The following SULT1C4 variants were observed in gnomAD, a reference collection of about 807,000 sequenced individuals.
The protein encoded by SULT1C4 is sulfotransferase 1C4.
SULT1C4 carries 32 observed loss-of-function variants against 34.8 expected under a neutral mutation model. That is an observed-to-expected ratio of 0.92 (90% CI 0.69 to 1.23). SULT1C4 has a LOEUF of 1.23. SULT1C4 is among the 50% of genes most tolerant of loss of function. The pLI, the probability that SULT1C4 is intolerant of heterozygous loss-of-function variation, is 0.00. For missense variants in SULT1C4, 375 were observed against 365.9 expected (o/e 1.02, Z -0.20); for synonymous variants, 111 against 120.5 (o/e 0.92, Z 0.51).
intron 5 of SULT1C4, among the ~76,000 whole-genome samples, chr2:108,384,450 A>G (rs967360667): frequency 6.6e-6 from 1 of 152,000 alleles, no homozygotes; most frequent in Non-Finnish European, 1.5e-5. Flanking sequence ...CCAGGTCTCA[A>G]TCTCCTGACC....
rs11569697 is a variant in SULT1C4, at chr2:108,378,276, G to A, written c.-62G>A. ...ATAGAGTGCTGCCTCTATCCACAAC[G>A]CAGCCATATGCTGACTGAAGATAAC... On this transcript the variant is annotated 5_prime_UTR_variant, in exon 1 of 7. Transcript: ENST00000272452. The A allele has an allele frequency of 0.011, 16,231 of 1,515,516 alleles. 361 individuals are homozygous for A. Among genetic ancestry groups the A allele is most frequent in the African/African-American group, 0.088 (6,347 of 72,170 alleles). 93.9% of individuals were successfully genotyped at this position (1,515,516 alleles called of 1,614,324 possible).
At chr2:108,378,909 G>C (rs1423995153) in intron 1 of SULT1C4, among the ~76,000 whole-genome samples, 8 of 151,988 alleles carry the variant, frequency 5.3e-5, no homozygotes, top group Admixed American at 5.2e-4. Flanking sequence ...GGGGAGCTTT[G>C]GTTCTGCAAT....
intron 5 of SULT1C4, among the ~76,000 whole-genome samples, chr2:108,384,479 G>A (rs772569753): frequency 3.9e-5 from 6 of 151,942 alleles, no homozygotes; most frequent in East Asian, 1.9e-4. Flanking sequence ...TGCCCGCCTC[G>A]GCCTCCCAAA....
At chr2:108,379,361 C>T (rs915123351) in intron 1 of SULT1C4, among the ~76,000 whole-genome samples, 2 of 152,174 alleles carry the variant, frequency 1.3e-5, no homozygotes, top group African/African-American at 2.4e-5. Flanking sequence ...AGGCCTTGGT[C>T]TCTTCTTTGT....
In SULT1C4 at chr2:108,383,195, T is replaced by G. The variant is rs1678464667; in HGVS notation, c.496T>G (p.Phe166Val). 2.5e-6 allele frequency: 4 copies of G among 1,609,842 alleles called. No individual in the cohort carries two copies. Among genetic ancestry groups the G allele is most frequent in the African/African-American group, 1.3e-5 (1 of 74,616 alleles). Residue 166 changes from phenylalanine to valine, a missense_variant, in exon 4 of 7, where the codon TTT becomes GTT. Phe to Val is a conservative substitution (Grantham distance 50, BLOSUM62 -1). Coordinates refer to ENST00000272452, the MANE Select transcript of SULT1C4 (RefSeq NM_006588.4). ...LPAPGTWEEY[F>V]ETFLAGKVCW... is the part of the protein sequence containing the mutation. Reference sequence around the variant, plus strand: ...TGCTCCAGGAACATGGGAAGAGTATTTTGAGACTTTTCTGGCTGGGAAAGG... The same window carrying G: ...TGCTCCAGGAACATGGGAAGAGTATGTTGAGACTTTTCTGGCTGGGAAAGG...
intron 1 of SULT1C4, among the ~76,000 whole-genome samples, chr2:108,381,063 C>A (rs979452842): frequency 6.6e-6 from 1 of 152,152 alleles, no homozygotes; most frequent in African/African-American, 2.4e-5. Flanking sequence ...GTGTCTCCTA[C>A]GCTATGCAAC....
At position 108,378,401 on chromosome 2, in the gene SULT1C4, G is replaced by A. The variant is rs368759234; in HGVS notation, c.64G>A (p.Val22Met). The A allele has an allele frequency of 1.5e-5, 25 of 1,614,072 alleles. No individual in the cohort carries two copies. The highest frequency in any genetic ancestry group is 6.7e-5 in the African/African-American group (5 of 74,920). ...DGTKRLSVNY[V>M]KGILQPTDTC... ...AACAAAGCGCTTAAGTGTCAACTAC[G>A]TGAAGGGAATTCTTCAACCGACAGA... is the stretch of plus-strand genomic sequence containing the variant. The change falls in exon 1 of 7, where the codon GTG becomes ATG. Residue 22 changes from valine (V) to methionine (M), a missense_variant. Coordinates refer to ENST00000272452, the MANE Select transcript of SULT1C4 (RefSeq NM_006588.4).
chr2:108,388,677 A>C lies in SULT1C4; in HGVS notation c.*1245A>C, dbSNP rs2104351918. Among the ~76,000 whole-genome samples the C allele has an allele frequency of 6.6e-6, 1 of 152,352 alleles. No individual in the cohort carries two copies. The highest frequency in any genetic ancestry group is 1.5e-5 in the Non-Finnish European group (1 of 68,028). ...CATGCATTCAAGAGCAGCTATAACC[A>C]TAATGACTCCAGCCTTCACACTTCC... On this transcript the variant is annotated 3_prime_UTR_variant, in exon 7 of 7. Coordinates refer to ENST00000272452, the MANE Select transcript of SULT1C4 (RefSeq NM_006588.4).
intron 5 of SULT1C4, among the ~76,000 whole-genome samples, 179 bp downstream of exon 5, chr2:108,383,689 T>A (rs1393631373): frequency 3.3e-5 from 5 of 152,202 alleles, no homozygotes. Context: ...TATCACACAG[T>A]CTCACCTGCA....
chr2:108,382,195 T>G lies in SULT1C4; in HGVS notation c.296-190T>G, dbSNP rs149918542. On this transcript the variant is annotated intron_variant, in intron 2 of 6. Coordinates refer to ENST00000272452, the MANE Select transcript of SULT1C4 (RefSeq NM_006588.4). Reference sequence around the variant, plus strand: ...TTAGGTTCTTATTTATTTGGATGACTGTTATGGTTAGGAATTGTTCTAGTC... The same window carrying G: ...TTAGGTTCTTATTTATTTGGATGACGGTTATGGTTAGGAATTGTTCTAGTC... The G allele has an allele frequency of 4.7e-4, 285 of 606,840 alleles. No individual in the cohort carries two copies. In the African/African-American group the frequency reaches 5.1e-3, roughly 11 times the overall value. 37.6% of individuals were successfully genotyped at this position (606,840 alleles called of 1,614,324 possible).
chr2:108,382,537 C>A, intron 3 of SULT1C4, 55 bp downstream of exon 3: 1 of 1,332,704 alleles, frequency 7.5e-7, no homozygotes, highest in South Asian at 1.2e-5. Context: ...CTTAGTCTTC[C>A]ATTTCCTCTT....
At position 108,386,163 on chromosome 2, in the gene SULT1C4, C is replaced by T. The variant is rs147057508; in HGVS notation, c.616-29C>T. On this transcript the variant is annotated intron_variant, in intron 5 of 6. Coordinates refer to ENST00000272452, the MANE Select transcript of SULT1C4 (RefSeq NM_006588.4). The stretch of plus-strand genomic sequence containing the variant: ...TCTTTTTAAACTAATTCTATTAAAT[C>T]ATTACTTTTCTTTTGACTCTGATCA... 8,254 of 1,405,568 alleles carry T rather than the reference C, an allele frequency of 5.9e-3. 46 individuals are homozygous for T. Among genetic ancestry groups the T allele is most frequent in the East Asian group, 0.018 (714 of 39,248 alleles). The allele number at this position is 1,405,568 out of a possible 1,614,324, so 87.1% of individuals were successfully genotyped here. A position where few individuals can be genotyped will look rare whatever the true frequency, so the allele number is the denominator to read the frequency against.
chr2:108,380,513 C>T (rs912196623), intron 1 of SULT1C4, among the ~76,000 whole-genome samples: 1 of 152,076 alleles, frequency 6.6e-6, no homozygotes, highest in African/African-American at 2.4e-5. Flanking sequence ...GACCCTGTCT[C>T]TGGAAAAATA....
intron 4 of SULT1C4, 55 bp from the exon 5 acceptor site, chr2:108,383,361 G>A: frequency 6.3e-7 from 1 of 1,597,362 alleles, no homozygotes; most frequent in Non-Finnish European, 8.5e-7. Context: ...TCTCCTTTCA[G>A]TGGTATAATA....
intron 5 of SULT1C4, among the ~76,000 whole-genome samples, chr2:108,384,402 T>C (rs1224471764): frequency 1.3e-5 from 2 of 152,060 alleles, no homozygotes; most frequent in African/African-American, 4.8e-5. Context: ...GGCTAATTTT[T>C]TGTATTTTTT....
At chr2:108,383,019 A>C in intron 3 of SULT1C4, 74 bp from the exon 4 acceptor site, 3 of 1,441,922 alleles carry the variant, frequency 2.1e-6, no homozygotes, top group Non-Finnish European at 1.8e-6. Context: ...TTGCCTGGGC[A>C]GTAACAGCAA....
intron 2 of SULT1C4, 120 bp from the exon 3 acceptor site, chr2:108,382,265 T>C (rs183882478): frequency 3.7e-6 from 3 of 814,750 alleles, no homozygotes; most frequent in Admixed American, 2.0e-5. Flanking sequence ...ACACCAGATC[T>C]ACAGTTACAA....
Position 108,387,453 on chromosome 2 carries a change from T to C in SULT1C4, c.*21T>C, listed in dbSNP as rs1678598212. ...TCTAGTAAGGAAGAAAAACTGAAAATGTTTTAGTTTATTACCCAGTATATT... is the reference window on the plus strand; with the variant it reads ...TCTAGTAAGGAAGAAAAACTGAAAACGTTTTAGTTTATTACCCAGTATATT... On this transcript the variant is annotated 3_prime_UTR_variant, in exon 7 of 7. Coordinates refer to ENST00000272452, the MANE Select transcript of SULT1C4 (RefSeq NM_006588.4). 1.2e-5 allele frequency: 18 copies of C among 1,528,422 alleles called. No homozygotes were observed. The highest frequency in any genetic ancestry group is 1.5e-5 in the Non-Finnish European group (17 of 1,106,446). 94.7% of individuals were successfully genotyped at this position (1,528,422 alleles called of 1,614,324 possible).
chr2:108,379,388 G>A (rs1286477594), intron 1 of SULT1C4, among the ~76,000 whole-genome samples: 1 of 152,072 alleles, frequency 6.6e-6, no homozygotes, highest in Non-Finnish European at 1.5e-5. Context: ...GTTTCATTTT[G>A]GTCCTGATTT....
Sources: gnomAD v4.1 joint callset for allele counts (sites outside exome capture counted in the v4.1 genomes callset) on GRCh38, gnomAD v4.1.1 for gene constraint, MANE v1.5 for transcripts, NCBI Gene and HGNC (gene_info 2026-07-23, HGNC 2026-07-21) for gene names.